The following SAMMSON variants were observed in gnomAD, a reference collection of about 807,000 sequenced individuals.
SAMMSON encodes the protein long intergenic non-protein coding RNA 1212.
At chr3:70,044,932 A>G (rs970894752) in intron 3 of SAMMSON, among the ~76,000 whole-genome samples, 1 of 143,256 alleles carries the variant, frequency 7.0e-6, no homozygotes, top group Admixed American at 7.2e-5. Context: ...TAATTAAAGT[A>G]TTACATAAGG....
At chr3:70,426,510 A>G (rs1039939910) in intron 2 of SAMMSON, among the ~76,000 whole-genome samples, 1 of 152,302 alleles carries the variant, frequency 6.6e-6, no homozygotes, top group African/African-American at 2.4e-5. Context: ...AAACTTTTAC[A>G]CTAAACATGA....
intron 4 of SAMMSON, among the ~76,000 whole-genome samples, chr3:70,228,809 G>A (rs781701265): frequency 1.7e-4 from 26 of 151,446 alleles, no homozygotes; most frequent in Non-Finnish European, 3.1e-4. Context: ...TATTAAGATG[G>A]ATAGCTGGGT....
At chr3:70,008,897 C>A (rs1379806596) in intron 1 of SAMMSON, among the ~76,000 whole-genome samples, 1 of 152,158 alleles carries the variant, frequency 6.6e-6, no homozygotes, top group African/African-American at 2.4e-5. Context: ...TTGAGATAAT[C>A]ATACGGTTTT....
chr3:70,230,022 A>C (rs377269023), intron 4 of SAMMSON, among the ~76,000 whole-genome samples: 28 of 152,290 alleles, frequency 1.8e-4, no homozygotes, highest in East Asian at 1.5e-3. Context: ...ATTTTATCAT[A>C]TTAAAAGTGC....
intron 4 of SAMMSON, chr3:70,125,282 A>G (rs1258241485): frequency 7.8e-7 from 1 of 1,287,384 alleles, no homozygotes; most frequent in Non-Finnish European, 1.1e-6. Flanking sequence ...TTCTGATGAA[A>G]AGTCAACATA....
downstream of SAMMSON, among the ~76,000 whole-genome samples, chr3:70,390,482 G>T (rs143671158): frequency 7.6e-4 from 116 of 152,212 alleles, no homozygotes; most frequent in Middle Eastern, 0.01. Flanking sequence ...TTTTGGGGAG[G>T]CCTCAAGAAG....
intron 4 of SAMMSON, among the ~76,000 whole-genome samples, chr3:70,236,578 A>G (rs1468468396): frequency 6.6e-6 from 1 of 152,114 alleles, no homozygotes; most frequent in Non-Finnish European, 1.5e-5. Context: ...GGGCCTGTAA[A>G]TTGACCCTTA....
chr3:70,422,527 G>C (rs931501745), intron 2 of SAMMSON, among the ~76,000 whole-genome samples: 7 of 151,868 alleles, frequency 4.6e-5, no homozygotes, highest in Non-Finnish European at 5.9e-5. Context: ...AATACTGCCT[G>C]AATTCAAAAA....
intron 4 of SAMMSON, among the ~76,000 whole-genome samples, chr3:70,119,334 T>C (rs944690311): frequency 3.9e-5 from 6 of 152,240 alleles, no homozygotes; most frequent in African/African-American, 1.2e-4. Context: ...CCCAAAGTGC[T>C]GGGATTACAG....
chr3:70,213,565 A>G (rs182772117), intron 4 of SAMMSON, among the ~76,000 whole-genome samples: 127 of 152,272 alleles, frequency 8.3e-4, no homozygotes, highest in African/African-American at 2.9e-3. Context: ...TGACATTTCA[A>G]GGTATAAGCT....
At chr3:70,149,197 GTGTT>G (rs529505160) in intron 4 of SAMMSON, among the ~76,000 whole-genome samples, 30 of 152,020 alleles carry the variant, frequency 2.0e-4, no homozygotes, top group Non-Finnish European at 3.7e-4. Context: ...TTTCCAATAG[GTGTT>G]TAGTTTACAA....
At chr3:70,413,794 G>A (rs1701241401) in intron 2 of SAMMSON, among the ~76,000 whole-genome samples, 1 of 152,240 alleles carries the variant, frequency 6.6e-6, no homozygotes, top group Admixed American at 6.5e-5. Context: ...AATAGAAAAT[G>A]AAGTTTCTTC....
chr3:70,125,029 A>T (rs2067450731), intron 4 of SAMMSON: 2 of 722,916 alleles, frequency 2.8e-6, no homozygotes, highest in African/African-American at 3.5e-5. Context: ...AAAGCCCTTG[A>T]AAGATACAGG....
chr3:70,044,336 A>T (rs2067116231), intron 3 of SAMMSON, among the ~76,000 whole-genome samples: 1 of 151,310 alleles, frequency 6.6e-6, no homozygotes, highest in South Asian at 2.1e-4. Flanking sequence ...GGGGATGCAG[A>T]TTTTTTTTTC....
intron 9 of SAMMSON, among the ~76,000 whole-genome samples, chr3:70,377,976 C>T (rs1703034883): frequency 6.6e-6 from 1 of 151,920 alleles, no homozygotes; most frequent in South Asian, 2.1e-4. Context: ...AGAATACGCT[C>T]ATACATTGAT....
chr3:70,123,772 C>T (rs9856733), intron 4 of SAMMSON, among the ~76,000 whole-genome samples: 34,963 of 152,100 alleles, frequency 0.23, 4,415 homozygotes, highest in East Asian at 0.5. Flanking sequence ...GAGCAGATCC[C>T]CTCTCAGAGA....
intron 3 of SAMMSON, chr3:70,014,091 A>T (rs2066970720): frequency 6.6e-6 from 1 of 152,160 alleles, no homozygotes; most frequent in Non-Finnish European, 1.5e-5. Flanking sequence ...GGTTTCATTT[A>T]CAAGCAGGCC....
At chr3:70,150,555 C>A (rs1421819327) in intron 4 of SAMMSON, among the ~76,000 whole-genome samples, 4 of 151,950 alleles carry the variant, frequency 2.6e-5, no homozygotes, top group Non-Finnish European at 4.4e-5. Context: ...GGCTTTGTTT[C>A]TGAATTTGGC....
At chr3:70,361,779 A>G (rs1015046172) in intron 9 of SAMMSON, among the ~76,000 whole-genome samples, 2 of 152,184 alleles carry the variant, frequency 1.3e-5, no homozygotes, top group Non-Finnish European at 2.9e-5. Context: ...GCCTTTTTCA[A>G]CATGAACTCG....
Sources: allele counts gnomAD v4.1 joint callset (sites outside exome capture counted in the v4.1 genomes callset), GRCh38; gene constraint gnomAD v4.1.1; transcripts MANE v1.5; gene names NCBI Gene and HGNC (gene_info 2026-07-23, HGNC 2026-07-21).